Variants in ARHGAP15 observed in about 807,000 individuals in gnomAD.
The protein encoded by ARHGAP15 is rho GTPase-activating protein 15.
ARHGAP15 carries 51 observed loss-of-function variants against 63.7 expected under a neutral mutation model. That is an observed-to-expected ratio of 0.80 (90% confidence interval 0.64 to 1.01). ARHGAP15 has a LOEUF of 1.01. ARHGAP15 is among the 50% of genes least tolerant of loss of function. The pLI is 0.00. For synonymous variants in ARHGAP15, 191 were observed against 193.8 expected (o/e 0.99, Z 0.12); for missense variants, 560 against 564.6 (o/e 0.99, Z 0.08).
Position 143,250,491 on chromosome 2 carries a change from C to T in ARHGAP15, c.385-20C>T, listed in dbSNP as rs1558841694. ...ACAGTGTTGCATCCTCTTATTCTTA[C>T]TTCATTTTTGTGATTACAGAAAACT... On this transcript the variant is annotated intron_variant, in intron 5 of 13. Transcript: ENST00000295095. 1 of 1,601,860 alleles carries T rather than the reference C, an allele frequency of 6.2e-7. No homozygotes were observed. Among genetic ancestry groups the T allele is most frequent in the South Asian group, 1.1e-5 (1 of 90,794 alleles).
intron 10 of ARHGAP15, among the ~76,000 whole-genome samples, chr2:143,551,896 T>G (rs370754168): frequency 8.7e-4 from 132 of 152,286 alleles, no homozygotes; most frequent in African/African-American, 3.0e-3. Context: ...AAGAAAATGT[T>G]GGAAACACTC....
At chr2:143,258,036 G>C (rs1430318602) in intron 6 of ARHGAP15, among the ~76,000 whole-genome samples, 1 of 151,870 alleles carries the variant, frequency 6.6e-6, no homozygotes, top group African/African-American at 2.4e-5. Flanking sequence ...ACCTATTCCA[G>C]AAAAAGGAAC....
chr2:143,436,220 G>A (rs1465492754), intron 7 of ARHGAP15, among the ~76,000 whole-genome samples: 4 of 152,138 alleles, frequency 2.6e-5, no homozygotes, highest in African/African-American at 9.6e-5. Context: ...TTCTAAGAAT[G>A]AACTTATTTA....
At chr2:143,538,839 C>T (rs1316551689) in intron 10 of ARHGAP15, among the ~76,000 whole-genome samples, 2 of 152,110 alleles carry the variant, frequency 1.3e-5, no homozygotes, top group African/African-American at 2.4e-5. Flanking sequence ...GTCTAAAATT[C>T]TCTTTTTTTG....
At chr2:143,667,799 A>C (rs997768759) in intron 12 of ARHGAP15, among the ~76,000 whole-genome samples, 19 of 151,868 alleles carry the variant, frequency 1.3e-4, no homozygotes, top group African/African-American at 4.3e-4. Flanking sequence ...AAACCAGCCT[A>C]GGCAACGTGG....
chr2:143,268,259 A>G (rs1035188955), intron 6 of ARHGAP15, among the ~76,000 whole-genome samples: 3 of 152,062 alleles, frequency 2.0e-5, no homozygotes, highest in Non-Finnish European at 4.4e-5. Flanking sequence ...AACAACAAAC[A>G]AAAAGGCCCT....
chr2:143,747,927 C>T (rs1231947946), intron 13 of ARHGAP15, among the ~76,000 whole-genome samples: 1 of 152,198 alleles, frequency 6.6e-6, no homozygotes, highest in Non-Finnish European at 1.5e-5. Flanking sequence ...TTGTCTGAGG[C>T]AATACGTTGT....
rs1053262134 is a variant in ARHGAP15, at chr2:143,198,944, A to G, written c.166-3190A>G. Reference sequence around the variant, plus strand: ...GAAATAGAACAGGAAAACTCCTTCCATCTTGGAACTCTTCCACTCTTGAAA... The same window carrying G: ...GAAATAGAACAGGAAAACTCCTTCCGTCTTGGAACTCTTCCACTCTTGAAA... On this transcript the variant is annotated intron_variant, in intron 2 of 13. Coordinates refer to ENST00000295095, the MANE Select transcript of ARHGAP15 (RefSeq NM_018460.4). Among the ~76,000 whole-genome samples the G allele has an allele frequency of 1.4e-4, 22 of 152,320 alleles. No homozygotes were observed. The East Asian group carries it at 3.9e-3, about 27-fold the overall frequency.
At chr2:143,537,325 G>C (rs56906855) in intron 10 of ARHGAP15, among the ~76,000 whole-genome samples, 32,025 of 151,952 alleles carry the variant, frequency 0.21, 3,665 homozygotes, top group Middle Eastern at 0.28. Context: ...CCATTCTGTA[G>C]GTTGCCTGTT....
At chr2:143,365,870 G>T (rs556664665) in intron 6 of ARHGAP15, among the ~76,000 whole-genome samples, 6 of 152,188 alleles carry the variant, frequency 3.9e-5, no homozygotes, top group African/African-American at 1.4e-4. Flanking sequence ...AAAACACCAG[G>T]TACATACTAA....
At chr2:143,415,702 T>C (rs764756803) in intron 6 of ARHGAP15, among the ~76,000 whole-genome samples, 2 of 152,152 alleles carry the variant, frequency 1.3e-5, no homozygotes, top group East Asian at 3.9e-4. Flanking sequence ...CAATTTGTAA[T>C]TGCAAAAATG....
chr2:143,678,626 A>C (rs550110221), intron 12 of ARHGAP15, among the ~76,000 whole-genome samples: 1 of 152,270 alleles, frequency 6.6e-6, no homozygotes, highest in Admixed American at 6.5e-5. Flanking sequence ...ACATCCATAA[A>C]ATTAGAGAAG....
At chr2:143,427,514 A>G (rs1196999813) in intron 6 of ARHGAP15, among the ~76,000 whole-genome samples, 1 of 151,678 alleles carries the variant, frequency 6.6e-6, no homozygotes, top group Non-Finnish European at 1.5e-5. Flanking sequence ...CATACTGTCA[A>G]CTCCCAATTA....
intron 6 of ARHGAP15, among the ~76,000 whole-genome samples, chr2:143,323,894 C>CAA (rs55804357): frequency 0.068 from 1,785 of 26,180 alleles, 485 homozygotes; most frequent in Non-Finnish European, 0.081. Flanking sequence ...GACTCCGTCT[C>CAA]AAAAAAAAAA....
At chr2:143,214,481 AG>A (rs2105140332) in intron 3 of ARHGAP15, among the ~76,000 whole-genome samples, 1 of 152,328 alleles carries the variant, frequency 6.6e-6, no homozygotes, top group South Asian at 2.1e-4. Flanking sequence ...CCTGGCACCA[AG>A]AAAAAGGGAC....
chr2:143,510,297 C>T (rs1457218919), intron 9 of ARHGAP15, among the ~76,000 whole-genome samples: 1 of 152,042 alleles, frequency 6.6e-6, no homozygotes, highest in Non-Finnish European at 1.5e-5. Context: ...TGAATGCTAC[C>T]TACTATGGAA....
chr2:143,430,761 C>T (rs961599354), intron 6 of ARHGAP15, among the ~76,000 whole-genome samples: 11 of 151,760 alleles, frequency 7.2e-5, no homozygotes, highest in Non-Finnish European at 1.3e-4. Flanking sequence ...TCATGAAGTC[C>T]AAAGTCTCTC....
chr2:143,253,861 CAG>C (rs1225592270), intron 6 of ARHGAP15, among the ~76,000 whole-genome samples: 2 of 152,080 alleles, frequency 1.3e-5, no homozygotes, highest in Admixed American at 6.6e-5. Flanking sequence ...CACACAAACA[CAG>C]AAAGATAGTA....
chr2:143,203,120 C>T (rs1452474832), intron 3 of ARHGAP15, among the ~76,000 whole-genome samples: 1 of 152,014 alleles, frequency 6.6e-6, no homozygotes, highest in Non-Finnish European at 1.5e-5. Flanking sequence ...TACTGCATTC[C>T]TGTCTATCTC....
Sources: allele counts gnomAD v4.1 joint callset (sites outside exome capture counted in the v4.1 genomes callset), GRCh38; gene constraint gnomAD v4.1.1; transcripts MANE v1.5; gene names NCBI Gene and HGNC (gene_info 2026-07-23, HGNC 2026-07-21).